Variants in IL1RAPL1 observed in about 807,000 individuals in gnomAD.
The protein encoded by IL1RAPL1 is interleukin-1 receptor accessory protein-like 1.
Under a neutral mutation model 48.4 loss-of-function variants are expected in IL1RAPL1, and 3 were observed. The observed-to-expected ratio is 0.06, with a 90% confidence interval of 0.03 to 0.16. The LOEUF is 0.16. Among genes scored for constraint, IL1RAPL1 ranks in the 10% least tolerant of loss-of-function variants. The pLI is 1.00. For synonymous variants in IL1RAPL1, 185 were observed against 187.7 expected, an observed-to-expected ratio of 0.99 and a Z score of 0.12; for missense variants, 349 against 530.6, an observed-to-expected ratio of 0.66 and a Z score of 3.36.
chrX:29,383,451 A>G (rs1964900329), intron 3 of IL1RAPL1, among the ~76,000 whole-genome samples: 1 of 112,067 alleles, frequency 8.9e-6, no homozygotes, highest in South Asian at 3.7e-4. Flanking sequence ...ACATAACTCT[A>G]TGGTATTACA....
At chrX:28,945,937 TTAAC>T (rs759792954) in intron 2 of IL1RAPL1, among the ~76,000 whole-genome samples, 21 of 106,242 alleles carry the variant, frequency 2.0e-4, no homozygotes, top group Non-Finnish European at 3.3e-4. Context: ...ATACACTCAA[TTAAC>T]TATTTTCAAA....
At chrX:28,678,618 C>CT (rs1434584838) in intron 1 of IL1RAPL1, among the ~76,000 whole-genome samples, 1 of 111,236 alleles carries the variant, frequency 9.0e-6, no homozygotes, top group Non-Finnish European at 1.9e-5. Flanking sequence ...AGGAAAGTTT[C>CT]TTTTTTCTAA....
At chrX:29,750,567 G>A in intron 6 of IL1RAPL1, among the ~76,000 whole-genome samples, 1 of 111,712 alleles carries the variant, frequency 9.0e-6, no homozygotes, top group Non-Finnish European at 1.9e-5. Context: ...ACTTGCAAAG[G>A]AATACACCAT....
At chrX:29,104,266 T>C in intron 2 of IL1RAPL1, among the ~76,000 whole-genome samples, 1 of 112,161 alleles carries the variant, frequency 8.9e-6, no homozygotes, top group Non-Finnish European at 1.9e-5. Flanking sequence ...GTGGTACATA[T>C]ACACAATGGA....
intron 5 of IL1RAPL1, among the ~76,000 whole-genome samples, chrX:29,637,543 A>C (rs1393998005): frequency 9.0e-6 from 1 of 111,571 alleles, no homozygotes; most frequent in African/African-American, 3.3e-5. Context: ...GTATGTTTTA[A>C]ATTTTTTTGT....
At chrX:28,772,589 C>G (rs757562651) in intron 1 of IL1RAPL1, among the ~76,000 whole-genome samples, 1 of 111,830 alleles carries the variant, frequency 8.9e-6, no homozygotes, top group South Asian at 3.7e-4. Flanking sequence ...ATATATTACC[C>G]AGGAAGTTAA....
At chrX:29,607,308 C>T (rs548550574) in intron 5 of IL1RAPL1, among the ~76,000 whole-genome samples, 1 of 111,860 alleles carries the variant, frequency 8.9e-6, no homozygotes, top group East Asian at 2.8e-4. Context: ...ATGATCCTTA[C>T]AATATACAGA....
intron 2 of IL1RAPL1, among the ~76,000 whole-genome samples, chrX:29,142,690 G>C (rs1003542271): frequency 9.7e-6 from 1 of 103,186 alleles, no homozygotes; most frequent in African/African-American, 3.8e-5. Context: ...ATTTCAAGAT[G>C]TTAGAGAATT....
intron 1 of IL1RAPL1, among the ~76,000 whole-genome samples, chrX:28,625,945 A>G (rs1024890295): frequency 4.5e-5 from 5 of 112,338 alleles, no homozygotes; most frequent in Non-Finnish European, 7.5e-5. Context: ...TAAGCCCATA[A>G]TAACTTTATT....
chrX:29,839,860 G>T (rs1274442213), intron 6 of IL1RAPL1, among the ~76,000 whole-genome samples: 1 of 112,346 alleles, frequency 8.9e-6, no homozygotes, highest in South Asian at 3.7e-4. Context: ...GTTCAAGGTT[G>T]CAGTGAGTTG....
chrX:29,574,667 T>A (rs1192531916), intron 5 of IL1RAPL1, among the ~76,000 whole-genome samples: 1 of 111,454 alleles, frequency 9.0e-6, no homozygotes, highest in Non-Finnish European at 1.9e-5. Context: ...AGAAAACAGG[T>A]TTTTCTTTTC....
intron 2 of IL1RAPL1, among the ~76,000 whole-genome samples, chrX:29,109,104 A>G (rs1292348040): frequency 9.0e-6 from 1 of 111,475 alleles, no homozygotes; most frequent in African/African-American, 3.3e-5. Flanking sequence ...GTAGGAGGAG[A>G]GAGTTATATT....
In IL1RAPL1 at chrX:29,205,417, A is replaced by C. The variant is rs180919471; in HGVS notation, c.83-77521A>C. On this transcript the variant is annotated intron_variant, in intron 2 of 10. Transcript: ENST00000378993. ...ATTCTCCCAAAACGCATGCCATCCC[A>C]GTGTAAGCCTGGTCATATATATATT... Among the ~76,000 whole-genome samples, 24 of 111,976 alleles carry C rather than the reference A, an allele frequency of 2.1e-4. No individual in the cohort carries two copies. In the East Asian group the frequency reaches 5.6e-3, roughly 26 times the overall value.
chrX:29,279,925 A>T (rs749366896), intron 2 of IL1RAPL1, among the ~76,000 whole-genome samples: 1 of 111,813 alleles, frequency 8.9e-6, no homozygotes, highest in Non-Finnish European at 1.9e-5. Context: ...ACCTTCAAGC[A>T]TTTTGTTTTA....
intron 2 of IL1RAPL1, among the ~76,000 whole-genome samples, chrX:29,220,866 G>C (rs1227836054): frequency 8.9e-6 from 1 of 111,901 alleles, no homozygotes; most frequent in African/African-American, 3.2e-5. Context: ...TAGACATTCT[G>C]CATCAGTTGG....
chrX:29,038,434 A>G (rs1926775209), intron 2 of IL1RAPL1, among the ~76,000 whole-genome samples: 2 of 111,945 alleles, frequency 1.8e-5, no homozygotes, highest in African/African-American at 3.2e-5. Flanking sequence ...GTAATAGAAC[A>G]CTAATAAATA....
At position 28,720,460 on chromosome X, in the gene IL1RAPL1, A is replaced by G. The variant is rs62591404; in HGVS notation, c.-24-68860A>G. 6.6e-3 allele frequency among the ~76,000 whole-genome samples: 742 copies of G among 112,138 alleles called. 6 individuals are homozygous for G. Among genetic ancestry groups the G allele is most frequent in the Non-Finnish European group, 0.011 (560 of 53,176 alleles). On this transcript the variant is annotated intron_variant, in intron 1 of 10. Transcript: ENST00000378993. Reference sequence around the variant, plus strand: ...GAATTTAGTAATATCTTTCAGTCACATGGTATTTTTCCCTCTACTCTTCCC... The same window carrying G: ...GAATTTAGTAATATCTTTCAGTCACGTGGTATTTTTCCCTCTACTCTTCCC...
intron 1 of IL1RAPL1, among the ~76,000 whole-genome samples, chrX:28,737,147 TTCCTTCCTTCCTTCCTTCCTTCC>T (rs1935841325): frequency 9.7e-5 from 3 of 30,898 alleles, no homozygotes; most frequent in African/African-American, 3.2e-4. Context: ...CCTTCCTTCC[TTCCTTCCTTCCTTCCTTCCTTCC>T]TTCCTTCCTT....
intron 5 of IL1RAPL1, among the ~76,000 whole-genome samples, chrX:29,556,426 A>G (rs1015725620): frequency 7.2e-5 from 8 of 111,152 alleles, no homozygotes; most frequent in African/African-American, 2.6e-4. Flanking sequence ...AGGAGGATGG[A>G]TTGCTCGAGG....
Sources: allele counts gnomAD v4.1 joint callset (sites outside exome capture counted in the v4.1 genomes callset), GRCh38; gene constraint gnomAD v4.1.1; transcripts MANE v1.5; gene names NCBI Gene and HGNC (gene_info 2026-07-23, HGNC 2026-07-21).